The following EPHX1 variants were observed in gnomAD, a reference collection of about 807,000 sequenced individuals.
EPHX1 encodes epoxide hydrolase 1, also known as epoxide hydratase.
A neutral mutation model predicts 43.2 loss-of-function variants in EPHX1; 40 were observed. The ratio of observed to expected loss-of-function variants is 0.93; its 90% CI spans 0.72 to 1.21. The LOEUF (loss-of-function observed/expected upper bound fraction) is 1.21, where lower values mean the gene tolerates loss of function less well. Ranked by LOEUF, EPHX1 falls within the 50% of genes most tolerant of loss-of-function variation. The pLI is 0.00. For missense variants in EPHX1, 550 were observed against 570.4 expected (o/e 0.96, Z 0.36); for synonymous variants, 221 against 226.7 (o/e 0.98, Z 0.22).
intron 1 of EPHX1, among the ~76,000 whole-genome samples, chr1:225,820,788 T>G (rs1363409478): frequency 1.3e-5 from 2 of 152,002 alleles, no homozygotes; most frequent in Non-Finnish European, 2.9e-5. Context: ...CACTTCTGCT[T>G]GTGCACACTT....
At chr1:225,823,106 T>G (rs1171179387) in intron 1 of EPHX1, among the ~76,000 whole-genome samples, 5 of 151,970 alleles carry the variant, frequency 3.3e-5, no homozygotes, top group Admixed American at 6.6e-5. Context: ...CTTAGAGAGG[T>G]TTCATAACTT....
At chr1:225,835,941 G>C (rs190865569) in intron 3 of EPHX1, among the ~76,000 whole-genome samples, 1 of 152,256 alleles carries the variant, frequency 6.6e-6, no homozygotes, top group East Asian at 1.9e-4. Flanking sequence ...ACTTACCCAT[G>C]TGTGGTTCTG....
chr1:225,815,419 T>G, intron 1 of EPHX1, among the ~76,000 whole-genome samples: 1 of 70,288 alleles, frequency 1.4e-5, no homozygotes, highest in African/African-American at 5.5e-5. Flanking sequence ...TTCTTTTTTT[T>G]TTTTTTTTTT....
At chr1:225,842,115 C>G (rs1559026260) in intron 6 of EPHX1, among the ~76,000 whole-genome samples, 1 of 152,252 alleles carries the variant, frequency 6.6e-6, no homozygotes, top group Non-Finnish European at 1.5e-5. Flanking sequence ...TTGAAGGAAG[C>G]TGAGCAGGCA....
At position 225,844,727 on chromosome 1, in the gene EPHX1, C is replaced by T. The variant is rs1184995700; in HGVS notation, c.1166+104C>T. 5.2e-6 allele frequency: 8 copies of T among 1,543,202 alleles called. No homozygotes were observed. The East Asian group carries it at 1.9e-4, about 36-fold the overall frequency. On this transcript the variant is annotated intron_variant, in intron 8 of 8. Coordinates refer to ENST00000272167, the MANE Select transcript of EPHX1 (RefSeq NM_001136018.4). ...CACTTGGTGGTGGGATAAGTATAGC[C>T]TTGCCTGCAGGTGCCCCAGGGGCCC... is the stretch of plus-strand genomic sequence containing the variant.
At chr1:225,819,546 G>C (rs1404377147) in intron 1 of EPHX1, among the ~76,000 whole-genome samples, 1 of 152,156 alleles carries the variant, frequency 6.6e-6, no homozygotes, top group African/African-American at 2.4e-5. Flanking sequence ...AGATGGATTT[G>C]AGATGTACTT....
At chr1:225,826,942 G>A (rs574811804) in intron 1 of EPHX1, among the ~76,000 whole-genome samples, 1 of 152,244 alleles carries the variant, frequency 6.6e-6, no homozygotes, top group Admixed American at 6.5e-5. Context: ...GAAACGCGGA[G>A]GTGGGGGGTG....
At position 225,839,366 on chromosome 1, in the gene EPHX1, G is replaced by GTGTGT; in HGVS notation, c.722+20_722+21insTGTGT. 1.9e-6 allele frequency: 3 copies of GTGTGT among 1,560,838 alleles called. No individual in the cohort carries two copies. The highest frequency in any genetic ancestry group is 1.2e-5 in the South Asian group (1 of 86,792). On this transcript the variant is annotated intron_variant, in intron 5 of 8. Transcript: ENST00000272167. ...GCCCAGGTGAGGTCACTGTTGGGGT[G>GTGTGT]GTGTGTGTGTGTGTGTGTGTGTGTG... is the stretch of plus-strand genomic sequence containing the variant.
chr1:225,824,848 G>A (rs1348828837), intron 1 of EPHX1, among the ~76,000 whole-genome samples: 4 of 152,202 alleles, frequency 2.6e-5, no homozygotes, highest in African/African-American at 9.6e-5. Flanking sequence ...GTCAACACCT[G>A]CTGTCACACC....
intron 2 of EPHX1, among the ~76,000 whole-genome samples, chr1:225,831,471 TG>T (rs1667584001): frequency 1.3e-5 from 2 of 150,930 alleles, no homozygotes; most frequent in East Asian, 3.9e-4. Context: ...GGCTTGAACC[TG>T]GGAGGTGGGG....
chr1:225,822,863 C>T (rs567335438), intron 1 of EPHX1, among the ~76,000 whole-genome samples: 20 of 152,306 alleles, frequency 1.3e-4, no homozygotes, highest in African/African-American at 3.6e-4. Context: ...TGCTGCCAGA[C>T]CACGGTGCCT....
chr1:225,837,497 T>TAA (rs964210916), intron 3 of EPHX1, among the ~76,000 whole-genome samples: 1 of 151,626 alleles, frequency 6.6e-6, no homozygotes, highest in Admixed American at 6.6e-5. Context: ...GCATTGCACT[T>TAA]AAAAAAAAAT....
At chr1:225,813,911 G>A (rs1666604771) in intron 1 of EPHX1, among the ~76,000 whole-genome samples, 1 of 152,224 alleles carries the variant, frequency 6.6e-6, no homozygotes. Flanking sequence ...AGGAGTTAAA[G>A]AGACTTCTGG....
Position 225,845,499 on chromosome 1 carries a change from TCCCCAAC to T in EPHX1, c.*160_*166del. The stretch of plus-strand genomic sequence containing the variant: ...CACCCCCTCACCCCTCCAAGCTCAC[TCCCCAAC>T]CCCCAACTCCGTGTGGTAAGCAACA... On this transcript the variant is annotated 3_prime_UTR_variant, in exon 9 of 9. Coordinates refer to ENST00000272167, the MANE Select transcript of EPHX1 (RefSeq NM_001136018.4). The T allele has an allele frequency of 4.1e-6, 3 of 724,746 alleles. No homozygotes were observed. The highest frequency in any genetic ancestry group is 3.6e-5 in the South Asian group (2 of 56,324). 44.9% of individuals were successfully genotyped at this position (724,746 alleles called of 1,614,324 possible). A position where few individuals can be genotyped will look rare whatever the true frequency, so the allele number is the denominator to read the frequency against.
In EPHX1 at chr1:225,828,721, G is replaced by A; in HGVS notation, c.-5-4G>A. 6.2e-7 allele frequency: 1 copy of A among 1,611,586 alleles called. No homozygotes were observed. The highest frequency in any genetic ancestry group is 1.1e-5 in the South Asian group (1 of 90,922). On this transcript the variant is annotated splice_polypyrimidine_tract_variant and splice_region_variant and intron_variant, in intron 1 of 8. Coordinates refer to ENST00000272167, the MANE Select transcript of EPHX1 (RefSeq NM_001136018.4). ...GTTGTTAATGGCTTCCCCTCATCTT[G>A]CAGGAGCCATGTGGCTAGAAATCCT...
chr1:225,842,281 C>A (rs1216049065), intron 6 of EPHX1, 85 bp from the exon 7 acceptor site: 1 of 1,031,538 alleles, frequency 9.7e-7, no homozygotes, highest in Non-Finnish European at 1.5e-6. Context: ...CCGCCCTCTG[C>A]GGCCAGTGCC....
rs566329773 is a variant in EPHX1, at chr1:225,819,003, G to A, written c.-6+8834G>A. Among the ~76,000 whole-genome samples the A allele has an allele frequency of 2.0e-5, 3 of 150,932 alleles. No individual in the cohort carries two copies. In the South Asian group the frequency reaches 6.4e-4, roughly 32 times the overall value. On this transcript the variant is annotated intron_variant, in intron 1 of 8. Coordinates refer to ENST00000272167, the MANE Select transcript of EPHX1 (RefSeq NM_001136018.4). The stretch of plus-strand genomic sequence containing the variant: ...AGCACTTTGGGAGGCGGAGGCGGGC[G>A]GATCACGAGGTCAGGAGATTGAGAC...
chr1:225,812,581 C>G (rs1241835036), intron 1 of EPHX1, among the ~76,000 whole-genome samples: 1 of 152,224 alleles, frequency 6.6e-6, no homozygotes, highest in Admixed American at 6.5e-5. Context: ...CAGTGCCCCT[C>G]CTGTCGACCT....
At chr1:225,836,659 G>A (rs1300038642) in intron 3 of EPHX1, among the ~76,000 whole-genome samples, 1 of 152,188 alleles carries the variant, frequency 6.6e-6, no homozygotes, top group Non-Finnish European at 1.5e-5. Flanking sequence ...AAACTCTGAG[G>A]AAATAATGCT....
Sources: allele counts gnomAD v4.1 joint callset (sites outside exome capture counted in the v4.1 genomes callset), GRCh38; gene constraint gnomAD v4.1.1; transcripts MANE v1.5; gene names NCBI Gene and HGNC (gene_info 2026-07-23, HGNC 2026-07-21).